The following CTIF variants were observed in gnomAD, a reference collection of about 807,000 sequenced individuals.
CTIF encodes cap binding complex dependent translation initiation factor.
A neutral mutation model predicts 66.0 loss-of-function variants in CTIF; 21 were observed. The ratio of observed to expected loss-of-function variants is 0.32; its 90% CI spans 0.23 to 0.46. CTIF has a LOEUF of 0.46. CTIF is among the 20% of genes least tolerant of loss of function. CTIF has a pLI of 1.00. For synonymous variants in CTIF, 345 were observed against 326.4 expected (o/e 1.06, Z -0.62); for missense variants, 739 against 812.7 (o/e 0.91, Z 1.10).
intron 6 of CTIF, among the ~76,000 whole-genome samples, chr18:48,676,028 C>A (rs910921930): frequency 6.6e-6 from 1 of 152,186 alleles, no homozygotes; most frequent in Admixed American, 6.5e-5. Flanking sequence ...CCCCGGCACC[C>A]CCTCCCCCAG....
intron 5 of CTIF, among the ~76,000 whole-genome samples, chr18:48,668,001 C>A (rs1432873641): frequency 1.3e-5 from 2 of 152,238 alleles, no homozygotes; most frequent in Admixed American, 1.3e-4. Context: ...CATGGAGGGA[C>A]AGAAATCAGA....
Position 48,576,688 on chromosome 18 carries a change from T to C in CTIF, c.-29+37376T>C, listed in dbSNP as rs371660132. 4.6e-5 allele frequency among the ~76,000 whole-genome samples: 7 copies of C among 152,266 alleles called. No homozygotes were observed. In the East Asian group the frequency reaches 1.4e-3, roughly 29 times the overall value. On this transcript the variant is annotated intron_variant, in intron 1 of 11. Transcript: ENST00000256413. ...AAACAAGGTTCCATGGTGCCCTGAG[T>C]ACAGGATTTGAGTATGACACTAAGA...
At chr18:48,652,880 CAT>C (rs1025512997) in intron 3 of CTIF, among the ~76,000 whole-genome samples, 108 of 152,304 alleles carry the variant, frequency 7.1e-4, no homozygotes, top group African/African-American at 2.5e-3. Context: ...ACAAAAACCA[CAT>C]GATTATCTCA....
At chr18:48,585,725 C>A (rs1247264502) in intron 1 of CTIF, among the ~76,000 whole-genome samples, 1 of 152,174 alleles carries the variant, frequency 6.6e-6, no homozygotes, top group African/African-American at 2.4e-5. Context: ...GCAATATACT[C>A]CAGCCTGAAG....
chr18:48,606,618 G>A (rs906108899), intron 1 of CTIF, among the ~76,000 whole-genome samples: 2 of 152,236 alleles, frequency 1.3e-5, no homozygotes, highest in South Asian at 4.1e-4. Flanking sequence ...TTGATCTGGA[G>A]CAGTTTCCAA....
chr18:48,659,944 AGTT>A (rs1480326662), intron 3 of CTIF, among the ~76,000 whole-genome samples: 1 of 151,626 alleles, frequency 6.6e-6, no homozygotes, highest in Non-Finnish European at 1.5e-5. Flanking sequence ...ATGTTCCCTG[AGTT>A]GTTGTAAGGA....
chr18:48,719,109 C>T lies in CTIF; in HGVS notation c.584+7414C>T, dbSNP rs368789471. ...TCCCTCTGACTTCTCACTCTCAATA[C>T]GAAAATATGCTTCTAGAATTGTCTT... On this transcript the variant is annotated intron_variant, in intron 7 of 11. Coordinates refer to ENST00000256413, the MANE Select transcript of CTIF (RefSeq NM_014772.3). Among the ~76,000 whole-genome samples the T allele has an allele frequency of 6.6e-5, 10 of 152,294 alleles. No homozygotes were observed. In the East Asian group the frequency reaches 7.7e-4, roughly 12 times the overall value.
At chr18:48,854,911 C>T (rs2069290800) in intron 10 of CTIF, among the ~76,000 whole-genome samples, 1 of 152,236 alleles carries the variant, frequency 6.6e-6, no homozygotes, top group African/African-American at 2.4e-5. Flanking sequence ...TTCAACCACA[C>T]TCATTGACAT....
rs1286045742 is a variant in CTIF at position 48,817,474 on chromosome 18, C to T, written c.1527+98C>T. ...GGACAAAGCTGTGAGGGTAGGCTCA[C>T]TTAGAAAGGGACCCATCCGGGCCAG... On this transcript the variant is annotated intron_variant, in intron 10 of 11. Transcript: ENST00000256413. 7 of 1,438,790 alleles carry T rather than the reference C, an allele frequency of 4.9e-6. No homozygotes were observed. In the Admixed American group the frequency reaches 1.3e-4, roughly 26 times the overall value. The allele number at this position is 1,438,790 out of a possible 1,614,324, so 89.1% of individuals were successfully genotyped here. A position where few individuals can be genotyped will look rare whatever the true frequency, so the allele number is the denominator to read the frequency against.
At chr18:48,557,479 T>A (rs1241988269) in intron 1 of CTIF, among the ~76,000 whole-genome samples, 2 of 152,214 alleles carry the variant, frequency 1.3e-5, no homozygotes, top group Non-Finnish European at 2.9e-5. Context: ...TTTGGCCACA[T>A]CCACTGCCGT....
intron 1 of CTIF, among the ~76,000 whole-genome samples, chr18:48,569,173 A>G (rs1347977781): frequency 6.6e-6 from 1 of 152,226 alleles, no homozygotes; most frequent in African/African-American, 2.4e-5. Flanking sequence ...AGATGCAGTC[A>G]TGTTCTGAAG....
intron 1 of CTIF, among the ~76,000 whole-genome samples, chr18:48,555,490 G>A (rs1599135119): frequency 6.6e-6 from 1 of 152,184 alleles, no homozygotes; most frequent in East Asian, 1.9e-4. Context: ...GACTGTGATG[G>A]GGATTGGGGT....
At chr18:48,831,827 C>T (rs1173028193) in intron 10 of CTIF, among the ~76,000 whole-genome samples, 1 of 152,210 alleles carries the variant, frequency 6.6e-6, no homozygotes, top group Non-Finnish European at 1.5e-5. Flanking sequence ...ACGTTCTTCT[C>T]TTTTGGTACG....
chr18:48,789,494 T>G (rs2067745821), intron 9 of CTIF, among the ~76,000 whole-genome samples: 1 of 152,238 alleles, frequency 6.6e-6, no homozygotes, highest in Non-Finnish European at 1.5e-5. Flanking sequence ...AATTTTAATT[T>G]CAGTTTGATT....
intron 6 of CTIF, among the ~76,000 whole-genome samples, chr18:48,708,584 G>C (rs961837652): frequency 6.6e-6 from 1 of 152,176 alleles, no homozygotes; most frequent in African/African-American, 2.4e-5. Flanking sequence ...GGCCCCAGGT[G>C]GCCTTATACA....
chr18:48,572,519 G>A (rs564805243), intron 1 of CTIF, among the ~76,000 whole-genome samples: 2 of 152,268 alleles, frequency 1.3e-5, no homozygotes, highest in African/African-American at 4.8e-5. Flanking sequence ...AATTGCCCAA[G>A]ATTACACAGC....
chr18:48,685,834 G>A (rs1354791875), intron 6 of CTIF, among the ~76,000 whole-genome samples: 3 of 151,908 alleles, frequency 2.0e-5, no homozygotes, highest in Non-Finnish European at 4.4e-5. Flanking sequence ...CTGCCACCAC[G>A]CCTGGCTAAT....
At chr18:48,698,144 A>G (rs1292751989) in intron 6 of CTIF, among the ~76,000 whole-genome samples, 1 of 127,382 alleles carries the variant, frequency 7.9e-6, no homozygotes, top group Non-Finnish European at 1.7e-5. Context: ...AAAAAAAAGC[A>G]AACTCCCCTC....
chr18:48,545,341 G>T (rs1313413466), intron 1 of CTIF, among the ~76,000 whole-genome samples: 1 of 152,178 alleles, frequency 6.6e-6, no homozygotes, highest in Non-Finnish European at 1.5e-5. Context: ...GGATCGGAAG[G>T]GAACAGGACT....
Sources: gnomAD v4.1 joint callset for allele counts (sites outside exome capture counted in the v4.1 genomes callset) on GRCh38, gnomAD v4.1.1 for gene constraint, MANE v1.5 for transcripts, NCBI Gene and HGNC (gene_info 2026-07-23, HGNC 2026-07-21) for gene names.